ELMO1: variants seen among roughly 807,000 people sequenced by gnomAD.
ELMO1 encodes the protein engulfment and cell motility 1.
In ELMO1, 26 loss-of-function variants were observed where a neutral mutation model predicts 98.9. That is an observed-to-expected ratio of 0.26 (90% CI 0.19 to 0.36). The LOEUF is 0.36. Ranked by LOEUF, ELMO1 falls within the 10% of genes least tolerant of loss-of-function variation. ELMO1 has a pLI of 1.00. For missense variants in ELMO1, 627 were observed against 935.2 expected (o/e 0.67, Z 4.30); for synonymous variants, 346 against 346.0 (o/e 1.00, Z 0.00).
intron 14 of ELMO1, among the ~76,000 whole-genome samples, chr7:37,114,928 A>G (rs1052239037): frequency 6.6e-6 from 1 of 152,196 alleles, no homozygotes; most frequent in Non-Finnish European, 1.5e-5. Context: ...AGAAGAGTCA[A>G]CTTTATGGAT....
At position 37,211,429 on chromosome 7, in the gene ELMO1, C is replaced by T. The variant is rs144700377; in HGVS notation, c.1043G>A (p.Arg348His). 21 of 1,613,860 alleles carry T rather than the reference C, an allele frequency of 1.3e-5. No individual in the cohort carries two copies. Among genetic ancestry groups the T allele is most frequent in the Admixed American group, 5.0e-5 (3 of 59,992 alleles). ...PNNSSGSMEK[R>H]KSMYTRDYKK... ...ATAATCTCGCGTGTACATGGACTTG[C>T]GTTTCTCCATGCTGCCACTGCTGTT... The change falls in exon 13 of 22, where the codon CGC becomes CAC. Residue 348 changes from arginine to histidine, a missense_variant. By Grantham distance (29) the Arg-to-His change is conservative. Coordinates refer to ENST00000310758, the MANE Select transcript of ELMO1 (RefSeq NM_014800.11).
intron 15 of ELMO1, among the ~76,000 whole-genome samples, chr7:37,017,702 C>T (rs1248969948): frequency 6.6e-6 from 1 of 152,176 alleles, no homozygotes; most frequent in Non-Finnish European, 1.5e-5. Context: ...CTCCTGATGA[C>T]ACTGTGGAGA....
chr7:37,403,345 G>A (rs1197627703), intron 1 of ELMO1, among the ~76,000 whole-genome samples: 1 of 152,076 alleles, frequency 6.6e-6, no homozygotes, highest in Non-Finnish European at 1.5e-5. Flanking sequence ...ATCACTGGAA[G>A]CCAAGGTTTG....
chr7:37,321,951 CCGAGTT>C (rs1799536701), intron 2 of ELMO1, among the ~76,000 whole-genome samples: 1 of 150,786 alleles, frequency 6.6e-6, no homozygotes, highest in South Asian at 2.1e-4. Context: ...TCCCCACCTC[CCGAGTT>C]CAAGTGATTC....
intron 13 of ELMO1, among the ~76,000 whole-genome samples, chr7:37,142,497 A>T (rs1787706123): frequency 6.6e-6 from 1 of 152,220 alleles, no homozygotes; most frequent in Admixed American, 6.5e-5. Flanking sequence ...CCCAGACCTC[A>T]CACCTGGCTG....
intron 1 of ELMO1, among the ~76,000 whole-genome samples, chr7:37,371,596 G>A (rs1802117852): frequency 6.6e-6 from 1 of 152,150 alleles, no homozygotes; most frequent in South Asian, 2.1e-4. Context: ...AATTGGCTAT[G>A]TCTTAGGAAT....
At chr7:37,193,881 C>G (rs1296589279) in intron 13 of ELMO1, among the ~76,000 whole-genome samples, 1 of 152,222 alleles carries the variant, frequency 6.6e-6, no homozygotes, top group Non-Finnish European at 1.5e-5. Flanking sequence ...ACATGTGACT[C>G]TAGTACACAC....
intron 13 of ELMO1, among the ~76,000 whole-genome samples, chr7:37,145,389 T>C (rs1158400756): frequency 6.6e-6 from 1 of 152,252 alleles, no homozygotes; most frequent in Non-Finnish European, 1.5e-5. Flanking sequence ...CTGTTCCTTG[T>C]CTCTGTGCTC....
intron 6 of ELMO1, among the ~76,000 whole-genome samples, chr7:37,258,589 G>A (rs1186736447): frequency 1.3e-5 from 2 of 152,108 alleles, no homozygotes; most frequent in African/African-American, 4.8e-5. Flanking sequence ...ATTTTCCTTT[G>A]TTCAACTCTT....
At chr7:37,422,128 C>T (rs1804500588) in intron 1 of ELMO1, among the ~76,000 whole-genome samples, 1 of 152,208 alleles carries the variant, frequency 6.6e-6, no homozygotes, top group Admixed American at 6.5e-5. Flanking sequence ...AAGCCTATCC[C>T]AGGATAAGAA....
chr7:36,932,303 T>C (rs1786112960), intron 16 of ELMO1, among the ~76,000 whole-genome samples: 1 of 152,142 alleles, frequency 6.6e-6, no homozygotes, highest in Non-Finnish European at 1.5e-5. Context: ...TGAAAATCAA[T>C]TCAGGACTGG....
intron 16 of ELMO1, among the ~76,000 whole-genome samples, chr7:36,925,062 C>G (rs1376611084): frequency 2.6e-5 from 4 of 152,076 alleles, no homozygotes; most frequent in Admixed American, 2.0e-4. Flanking sequence ...ACACGTTGTA[C>G]AATGCACAGG....
At chr7:37,122,300 T>G (rs1336360826) in intron 14 of ELMO1, among the ~76,000 whole-genome samples, 2 of 152,136 alleles carry the variant, frequency 1.3e-5, no homozygotes, top group Admixed American at 6.5e-5. Flanking sequence ...TAACCTTAAA[T>G]GCAAATGGGC....
At chr7:37,364,771 C>A (rs1002395716) in intron 1 of ELMO1, among the ~76,000 whole-genome samples, 1 of 152,124 alleles carries the variant, frequency 6.6e-6, no homozygotes, top group African/African-American at 2.4e-5. Flanking sequence ...CTAAGGATAT[C>A]GGCTTTTCTA....
At chr7:37,350,142 G>A (rs1363200807) in intron 1 of ELMO1, among the ~76,000 whole-genome samples, 1 of 152,182 alleles carries the variant, frequency 6.6e-6, no homozygotes, top group Non-Finnish European at 1.5e-5. Flanking sequence ...ACAGCCCGGG[G>A]CCTAAGAGGA....
chr7:36,907,920 C>T (rs1195650672), intron 16 of ELMO1, among the ~76,000 whole-genome samples: 1 of 152,210 alleles, frequency 6.6e-6, no homozygotes, highest in African/African-American at 2.4e-5. Flanking sequence ...TTGGTGGGCA[C>T]TTAGTTAATC....
At chr7:37,292,734 G>A (rs1236481515) in intron 4 of ELMO1, among the ~76,000 whole-genome samples, 2 of 86,174 alleles carry the variant, frequency 2.3e-5, no homozygotes, top group Non-Finnish European at 5.1e-5. Context: ...CCGGGAGGGA[G>A]GTGGGGGGGT....
intron 3 of ELMO1, among the ~76,000 whole-genome samples, chr7:37,315,631 C>T (rs931772413): frequency 7.9e-5 from 12 of 152,180 alleles, no homozygotes; most frequent in Admixed American, 4.6e-4. Context: ...TCCTCAAAAA[C>T]CTTTAGAGTA....
chr7:37,009,422 A>T (rs977043092), intron 16 of ELMO1, among the ~76,000 whole-genome samples: 1 of 152,224 alleles, frequency 6.6e-6, no homozygotes, highest in African/African-American at 2.4e-5. Flanking sequence ...AATAAAAAAC[A>T]TTCCATCTGC....
Sources: allele counts gnomAD v4.1 joint callset (sites outside exome capture counted in the v4.1 genomes callset), GRCh38; gene constraint gnomAD v4.1.1; transcripts MANE v1.5; gene names NCBI Gene and HGNC (gene_info 2026-07-23, HGNC 2026-07-21).